Variants in ADCY8 observed in about 807,000 individuals in gnomAD.
The protein encoded by ADCY8 is adenylate cyclase type 8.
Under a neutral mutation model 119.7 loss-of-function variants are expected in ADCY8, and 51 were observed. The observed-to-expected ratio is 0.43, with a 90% confidence interval of 0.34 to 0.54. The LOEUF is 0.54. Ranked by LOEUF, ADCY8 falls within the 20% of genes least tolerant of loss-of-function variation. The pLI is 0.03. For missense variants in ADCY8, 1,383 were observed against 1,598.8 expected (o/e 0.87, Z 2.30); for synonymous variants, 665 against 651.0 (o/e 1.02, Z -0.33).
intron 1 of ADCY8, among the ~76,000 whole-genome samples, chr8:130,997,424 G>A (rs1822814274): frequency 6.6e-6 from 1 of 152,156 alleles, no homozygotes; most frequent in Non-Finnish European, 1.5e-5. Context: ...ACTTAGACAG[G>A]TGACCCTAGC....
At chr8:130,869,526 G>GTTTTTTTTTTGT (rs1275593013) in intron 8 of ADCY8, among the ~76,000 whole-genome samples, 3 of 114,604 alleles carry the variant, frequency 2.6e-5, no homozygotes, top group African/African-American at 3.1e-5. Context: ...TTGTTTTTTT[G>GTTTTTTTTTTGT]TTTTTTTTTG....
At chr8:130,862,235 A>G (rs372599865) in intron 9 of ADCY8, among the ~76,000 whole-genome samples, 3 of 152,078 alleles carry the variant, frequency 2.0e-5, no homozygotes, top group African/African-American at 7.2e-5. Flanking sequence ...TTTTGTTACA[A>G]GATTAAATTG....
chr8:130,864,391 T>C (rs2130377464), intron 9 of ADCY8, among the ~76,000 whole-genome samples: 1 of 152,336 alleles, frequency 6.6e-6, no homozygotes, highest in South Asian at 2.1e-4. Flanking sequence ...TTGTCTATTA[T>C]TAATTTTGGA....
chr8:130,839,263 C>T lies in ADCY8; in HGVS notation c.2503-2814G>A, dbSNP rs188691712. Among the ~76,000 whole-genome samples, 752 of 140,144 alleles carry T rather than the reference C, an allele frequency of 5.4e-3. 134 individuals carry two copies. In the Middle Eastern group the frequency reaches 0.058, roughly 11 times the overall value. 91.9% of individuals were successfully genotyped at this position (140,144 alleles called of 152,430 possible). A position where few individuals can be genotyped will look rare whatever the true frequency, so the allele number is the denominator to read the frequency against. On this transcript the variant is annotated intron_variant, in intron 11 of 17. Coordinates refer to ENST00000286355, the MANE Select transcript of ADCY8 (RefSeq NM_001115.3). ...GCACAATGTGTTGATGGGTCTTTCT[C>T]GTTTTGTTGCCTCAATCAATTGTGG...
intron 13 of ADCY8, among the ~76,000 whole-genome samples, chr8:130,820,539 G>A (rs1483187910): frequency 6.6e-6 from 1 of 152,202 alleles, no homozygotes; most frequent in Non-Finnish European, 1.5e-5. Context: ...AGACCTACTG[G>A]TCTTTGAGAA....
rs116870326 is a variant in ADCY8, at chr8:130,804,891, C to T, written c.2914-4319G>A. Among the ~76,000 whole-genome samples, 457 of 152,230 alleles carry T rather than the reference C, an allele frequency of 3.0e-3. 3 individuals carry two copies. Among genetic ancestry groups the T allele is most frequent in the Middle Eastern group, 0.014 (4 of 294 alleles). ...CCCCCTGAGTAGCTGGGGTTACAGG[C>T]GCCTGCCATCATACCAGGCTAATTT... On this transcript the variant is annotated intron_variant, in intron 14 of 17. Transcript: ENST00000286355.
chr8:130,946,575 G>T (rs908733243), intron 3 of ADCY8, among the ~76,000 whole-genome samples: 2 of 152,096 alleles, frequency 1.3e-5, no homozygotes, highest in African/African-American at 2.4e-5. Context: ...CCCTGTTGGT[G>T]CCCCTCTCTG....
intron 2 of ADCY8, among the ~76,000 whole-genome samples, chr8:130,974,966 G>A (rs1338021694): frequency 6.6e-6 from 1 of 152,104 alleles, no homozygotes; most frequent in Non-Finnish European, 1.5e-5. Flanking sequence ...ACATACCTCT[G>A]GAGCTAACAG....
chr8:130,970,559 A>G (rs952822199), intron 2 of ADCY8, among the ~76,000 whole-genome samples: 2 of 152,190 alleles, frequency 1.3e-5, no homozygotes, highest in Non-Finnish European at 2.9e-5. Context: ...CGCATAATAA[A>G]TGTAATGCAC....
intron 10 of ADCY8, among the ~76,000 whole-genome samples, chr8:130,849,147 A>T (rs1420245505): frequency 2.0e-5 from 3 of 152,110 alleles, no homozygotes; most frequent in Non-Finnish European, 4.4e-5. Flanking sequence ...CCTTATTATC[A>T]AGTTATTTCA....
chr8:130,875,667 C>G (rs571451188), intron 8 of ADCY8, among the ~76,000 whole-genome samples: 1 of 152,274 alleles, frequency 6.6e-6, no homozygotes, highest in Non-Finnish European at 1.5e-5. Context: ...CATTACAACT[C>G]CAATAAAAGT....
intron 1 of ADCY8, among the ~76,000 whole-genome samples, chr8:130,991,796 A>C (rs893365280): frequency 3.3e-5 from 5 of 152,244 alleles, no homozygotes; most frequent in African/African-American, 1.2e-4. Context: ...CGAGATTATA[A>C]TAGTTCTTAC....
chr8:130,982,079 A>G (rs1210762696), intron 2 of ADCY8, among the ~76,000 whole-genome samples: 1 of 152,228 alleles, frequency 6.6e-6, no homozygotes, highest in East Asian at 1.9e-4. Flanking sequence ...ATGCCAGAAA[A>G]TGCAAATAAT....
intron 5 of ADCY8, among the ~76,000 whole-genome samples, chr8:130,914,240 A>G (rs1820062771): frequency 6.6e-6 from 1 of 152,196 alleles, no homozygotes; most frequent in Admixed American, 6.5e-5. Flanking sequence ...GCACTACCTG[A>G]TTGCTTCACA....
chr8:130,821,262 T>C (rs1816498646), intron 13 of ADCY8, 80 bp downstream of exon 13: 4 of 1,229,062 alleles, frequency 3.3e-6, no homozygotes, highest in African/African-American at 1.5e-5. Context: ...AGTTATTTGC[T>C]GCAAAGAGCA....
chr8:130,786,355 G>A (rs534813231), intron 15 of ADCY8, among the ~76,000 whole-genome samples: 5 of 152,288 alleles, frequency 3.3e-5, no homozygotes, highest in East Asian at 1.9e-4. Flanking sequence ...CTAAGAGAGG[G>A]AAACCTTGGT....
In ADCY8 at chr8:130,903,787, G is replaced by C; in HGVS notation, c.1896C>G (p.Ile632Met). ...SWSPELPFDNIVGKQNTLAAL... is the reference protein window; with the variant it reads ...SWSPELPFDNMVGKQNTLAAL... The stretch of plus-strand genomic sequence containing the variant: ...GAGGACTTACATTCTGTTTCCCCAC[G>C]ATATTATCAAAGGGCAGTTCAGGGC... The change falls in exon 7 of 18, where the codon ATC becomes ATG. Residue 632 changes from isoleucine (I) to methionine (M), a missense_variant. Ile to Met is a conservative substitution (Grantham distance 10, BLOSUM62 1). Around this residue, in one of 2 missense-constraint regions of ADCY8, gnomAD observed 928 missense variants for 1,163.5 expected, o/e 0.80. Coordinates refer to ENST00000286355, the MANE Select transcript of ADCY8 (RefSeq NM_001115.3). The C allele has an allele frequency of 6.2e-7, 1 of 1,612,476 alleles. No homozygotes were observed. The highest frequency in any genetic ancestry group is 8.5e-7 in the Non-Finnish European group (1 of 1,179,944).
intron 3 of ADCY8, among the ~76,000 whole-genome samples, chr8:130,950,097 C>A: frequency 6.6e-6 from 1 of 152,118 alleles, no homozygotes; most frequent in East Asian, 1.9e-4. Context: ...GCAAAATTGT[C>A]CTCTATCCTG....
rs113340013 is a variant in ADCY8 at position 130,957,250 on chromosome 8, G to A, written c.1111-5252C>T. 5.4e-4 allele frequency among the ~76,000 whole-genome samples: 82 copies of A among 152,308 alleles called. 2 individuals carry two copies. The Middle Eastern group carries it at 0.017, about 32-fold the overall frequency. ...GGAGATCAGGAACTTGTTGGGAACT[G>A]GAGCAAAGGTGACTCTTGTTGTGTT... On this transcript the variant is annotated intron_variant, in intron 2 of 17. Transcript: ENST00000286355.
Sources: allele counts gnomAD v4.1 joint callset (sites outside exome capture counted in the v4.1 genomes callset), GRCh38; gene constraint gnomAD v4.1.1; regional missense constraint gnomAD v4.1.1; transcripts MANE v1.5; gene names NCBI Gene and HGNC (gene_info 2026-07-23, HGNC 2026-07-21).